Variants in ATP8A2 observed in about 807,000 individuals in gnomAD.
ATP8A2 encodes the protein ATPase phospholipid transporting 8A2.
ATP8A2 carries 100 observed loss-of-function variants against 165.6 expected under a neutral mutation model. That is an observed-to-expected ratio of 0.60 (90% CI 0.51 to 0.71). The LOEUF (loss-of-function observed/expected upper bound fraction) is 0.71. Among genes scored for constraint, ATP8A2 ranks in the 30% least tolerant of loss-of-function variants. The pLI is 0.00. For missense variants in ATP8A2, 1,227 were observed against 1,479.5 expected, an observed-to-expected ratio of 0.83 and a Z score of 2.80; for synonymous variants, 543 against 548.8, an observed-to-expected ratio of 0.99 and a Z score of 0.15.
At chr13:25,962,793 A>C (rs1442866408) in intron 34 of ATP8A2, among the ~76,000 whole-genome samples, 1 of 152,208 alleles carries the variant, frequency 6.6e-6, no homozygotes, top group East Asian at 1.9e-4. Context: ...CTTGCCTGAC[A>C]GTTATGGAAG....
intron 18 of ATP8A2, among the ~76,000 whole-genome samples, chr13:25,572,887 A>C (rs2039508381): frequency 6.6e-6 from 1 of 152,186 alleles, no homozygotes; most frequent in Non-Finnish European, 1.5e-5. Flanking sequence ...TACTGTAGTA[A>C]GTTTTTTCTT....
intron 33 of ATP8A2, among the ~76,000 whole-genome samples, chr13:25,952,757 A>G (rs1052525000): frequency 5.3e-5 from 8 of 152,136 alleles, no homozygotes; most frequent in African/African-American, 1.9e-4. Flanking sequence ...ATGATGGGTG[A>G]GCTCAGCACA....
chr13:25,531,421 ATATATATATGATTATATATATGAT>A (rs1298618013), intron 4 of ATP8A2, among the ~76,000 whole-genome samples: 1 of 30,184 alleles, frequency 3.3e-5, no homozygotes, highest in East Asian at 2.4e-4. Context: ...TATATATATG[ATATATATATGATTATATATATGAT>A]TATATATATG....
At chr13:25,832,045 T>C (rs9507585) in intron 28 of ATP8A2, among the ~76,000 whole-genome samples, 9,735 of 151,928 alleles carry the variant, frequency 0.064, 423 homozygotes, top group Middle Eastern at 0.14. Flanking sequence ...GTTCAAGCAA[T>C]TCTCCTGCCT....
chr13:25,430,189 G>A (rs1430201028), intron 1 of ATP8A2, among the ~76,000 whole-genome samples: 1 of 152,098 alleles, frequency 6.6e-6, no homozygotes, highest in African/African-American at 2.4e-5. Context: ...CCATGAGAGA[G>A]GTCCAGGCCC....
Position 25,538,035 on chromosome 13 carries a change from A to G in ATP8A2, c.555A>G (p.Pro185=), listed in dbSNP as rs1420855457. 1.2e-6 allele frequency: 2 copies of G among 1,613,876 alleles called. No individual in the cohort carries two copies. Among genetic ancestry groups the G allele is most frequent in the East Asian group, 2.2e-5 (1 of 44,904 alleles). Residue 185 remains proline (P), a synonymous_variant, in exon 7 of 37, where the codon CCA becomes CCG. Transcript: ENST00000381655. ...IVKVVNGQYL[P]ADVVLLSSSE... Reference sequence around the variant, plus strand: ...AGGTCGTCAATGGGCAGTATCTTCCAGCAGATGTGGTCCTGCTGTCATCCA... The same window carrying G: ...AGGTCGTCAATGGGCAGTATCTTCCGGCAGATGTGGTCCTGCTGTCATCCA...
intron 24 of ATP8A2, among the ~76,000 whole-genome samples, chr13:25,649,790 G>A (rs1281206449): frequency 6.6e-6 from 1 of 152,142 alleles, no homozygotes; most frequent in African/African-American, 2.4e-5. Flanking sequence ...GCCTGTCTAG[G>A]AATTCAAGCC....
At chr13:25,860,331 A>G in intron 31 of ATP8A2, 75 bp downstream of exon 31, 1 of 796,488 alleles carries the variant, frequency 1.3e-6, no homozygotes, top group South Asian at 1.7e-5. Context: ...ACCCTTAAAA[A>G]GGGCCTTCCT....
At chr13:25,441,947 A>G (rs2034941992) in intron 1 of ATP8A2, among the ~76,000 whole-genome samples, 1 of 151,948 alleles carries the variant, frequency 6.6e-6, no homozygotes, top group African/African-American at 2.4e-5. Context: ...CCAGAATTCC[A>G]CTTTCTGTCT....
chr13:25,519,473 A>G (rs1283455286), intron 2 of ATP8A2, among the ~76,000 whole-genome samples: 1 of 151,958 alleles, frequency 6.6e-6, no homozygotes, highest in East Asian at 1.9e-4. Flanking sequence ...GGGCTGGCAC[A>G]CTGCCCTAGT....
At chr13:25,739,271 G>A (rs1255359120) in intron 25 of ATP8A2, among the ~76,000 whole-genome samples, 1 of 152,226 alleles carries the variant, frequency 6.6e-6, no homozygotes, top group Non-Finnish European at 1.5e-5. Context: ...GCTGCTGTCT[G>A]CTCATCAGGG....
intron 1 of ATP8A2, among the ~76,000 whole-genome samples, chr13:25,453,747 A>G (rs2035289866): frequency 1.3e-5 from 2 of 152,252 alleles, no homozygotes; most frequent in African/African-American, 4.8e-5. Context: ...ACTTTCTGAA[A>G]TGAACTACAT....
intron 27 of ATP8A2, among the ~76,000 whole-genome samples, chr13:25,778,532 T>G (rs2138340797): frequency 6.6e-6 from 1 of 152,312 alleles, no homozygotes; most frequent in South Asian, 2.1e-4. Context: ...CTGGGTTGAT[T>G]ACAAAAACCG....
At chr13:25,562,351 G>C (rs2039182645) in intron 15 of ATP8A2, among the ~76,000 whole-genome samples, 1 of 152,260 alleles carries the variant, frequency 6.6e-6, no homozygotes, top group South Asian at 2.1e-4. Context: ...CCTTATCATA[G>C]TTTTGATTTC....
At chr13:25,872,050 A>T (rs943815364) in intron 33 of ATP8A2, among the ~76,000 whole-genome samples, 8 of 44,478 alleles carry the variant, frequency 1.8e-4, no homozygotes, top group Admixed American at 9.6e-4. Flanking sequence ...CATTCCCCTC[A>T]CCCCCCCGCC....
chr13:25,815,197 A>G lies in ATP8A2; in HGVS notation c.2680-12921A>G, dbSNP rs1246066428. 2.0e-5 allele frequency among the ~76,000 whole-genome samples: 3 copies of G among 152,294 alleles called. No homozygotes were observed. In the South Asian group the frequency reaches 6.2e-4, roughly 32 times the overall value. The stretch of plus-strand genomic sequence containing the variant: ...GGCAACAACACCAAAAAATAGACAA[A>G]TTGGACTTCATCAAAATTCAACATT... On this transcript the variant is annotated intron_variant, in intron 27 of 36. Transcript: ENST00000381655.
intron 33 of ATP8A2, among the ~76,000 whole-genome samples, chr13:25,898,929 A>G (rs1265317306): frequency 6.6e-6 from 1 of 151,768 alleles, no homozygotes; most frequent in Non-Finnish European, 1.5e-5. Flanking sequence ...GCTGTTTGTC[A>G]CCCCTTTCTT....
At position 25,768,439 on chromosome 13, in the gene ATP8A2, A is replaced by G. The variant is rs115174884; in HGVS notation, c.2385-607A>G. On this transcript the variant is annotated intron_variant, in intron 25 of 36. Transcript: ENST00000381655. ...CTTCTGCATGGCTCAACAAGGGGAG[A>G]CTTCCACTCCCTGACTCCCATCCTA... 5.2e-3 allele frequency among the ~76,000 whole-genome samples: 784 copies of G among 151,506 alleles called. 9 individuals are homozygous for G. Among genetic ancestry groups the G allele is most frequent in the African/African-American group, 0.018 (746 of 41,248 alleles).
chr13:25,858,989 G>A (rs1422238417), intron 30 of ATP8A2, among the ~76,000 whole-genome samples: 7 of 152,032 alleles, frequency 4.6e-5, no homozygotes, highest in Non-Finnish European at 7.4e-5. Context: ...TGGATCATGA[G>A]GTCAGGAGTT....
Sources: allele counts gnomAD v4.1 joint callset (sites outside exome capture counted in the v4.1 genomes callset), GRCh38; gene constraint gnomAD v4.1.1; transcripts MANE v1.5; gene names NCBI Gene and HGNC (gene_info 2026-07-23, HGNC 2026-07-21).